Variants in ADAM19 observed in about 807,000 individuals in gnomAD.
ADAM19 encodes ADAM metallopeptidase domain 19.
In ADAM19, 65 loss-of-function variants were observed where a neutral mutation model predicts 114.7. That is an observed-to-expected ratio of 0.57 (90% CI 0.46 to 0.70). The LOEUF (loss-of-function observed/expected upper bound fraction) is 0.70. Among genes scored for constraint, ADAM19 ranks in the 30% least tolerant of loss-of-function variants. The probability of loss-of-function intolerance (pLI) is 0.00; values close to 1 mark genes in which losing one functional copy is unlikely to be tolerated. For missense variants in ADAM19, 1,063 were observed against 1,204.7 expected (o/e 0.88, Z 1.74); for synonymous variants, 466 against 460.5 (o/e 1.01, Z -0.15).
At chr5:157,517,718 G>A (rs1001483640) in intron 7 of ADAM19, among the ~76,000 whole-genome samples, 35 of 152,150 alleles carry the variant, frequency 2.3e-4, no homozygotes, top group Non-Finnish European at 8.8e-5. Context: ...CCAGGTGCTT[G>A]GCACATAATA....
chr5:157,510,966 G>C (rs2113728512), intron 8 of ADAM19, among the ~76,000 whole-genome samples: 1 of 152,244 alleles, frequency 6.6e-6, no homozygotes, highest in African/African-American at 2.4e-5. Context: ...AGACGTTCTT[G>C]GTAATCTTCA....
intron 7 of ADAM19, among the ~76,000 whole-genome samples, chr5:157,517,878 T>C (rs902005195): frequency 2.0e-5 from 3 of 152,234 alleles, no homozygotes; most frequent in African/African-American, 7.2e-5. Context: ...AACTTGACTG[T>C]GCAACCCAAT....
intron 19 of ADAM19, 135 bp downstream of exon 19, chr5:157,490,175 A>G: frequency 1.1e-6 from 1 of 907,074 alleles, no homozygotes; most frequent in Non-Finnish European, 1.7e-6. Context: ...ATAGCAGGGG[A>G]GAGGGCAGCA....
chr5:157,552,620 A>G (rs959082159), intron 3 of ADAM19, among the ~76,000 whole-genome samples: 1 of 143,898 alleles, frequency 6.9e-6, no homozygotes, highest in African/African-American at 2.6e-5. Context: ...TGGAGGTTGC[A>G]GTGAGCCGAG....
rs1396427439 is a variant in ADAM19, at chr5:157,518,805, C to T, written c.666+18G>A. On this transcript the variant is annotated intron_variant, in intron 7 of 22. Transcript: ENST00000257527. ...CAAGAGAGCAGTTTTTCTGCAAGACCCATTGCCTCCCCCTTACCTCTAAAT... is the reference window on the plus strand; with the variant it reads ...CAAGAGAGCAGTTTTTCTGCAAGACTCATTGCCTCCCCCTTACCTCTAAAT... 6.2e-7 allele frequency: 1 copy of T among 1,605,512 alleles called. No homozygotes were observed. The highest frequency in any genetic ancestry group is 1.7e-5 in the Admixed American group (1 of 59,988).
intron 5 of ADAM19, among the ~76,000 whole-genome samples, chr5:157,527,502 A>G (rs896256611): frequency 2.0e-5 from 3 of 152,084 alleles, no homozygotes; most frequent in Admixed American, 6.6e-5. Context: ...AAGCCACCGC[A>G]CCCGGCCAGA....
rs749604440 is a variant in ADAM19 at position 157,481,946 on chromosome 5, G to A, written c.2551-3C>T. ...GGCGGCCGAGGCCTGGAGAAGTCCT[G>A]GAGAGAAAGCAATAAGCCTCACTTG... is the stretch of plus-strand genomic sequence containing the variant. On this transcript the variant is annotated splice_region_variant and splice_polypyrimidine_tract_variant and intron_variant, in intron 21 of 22. Coordinates refer to ENST00000257527, the MANE Select transcript of ADAM19 (RefSeq NM_033274.5). 14 of 1,586,544 alleles carry A rather than the reference G, an allele frequency of 8.8e-6. No individual in the cohort carries two copies. The African/African-American group carries it at 1.8e-4, about 20-fold the overall frequency.
In ADAM19 at chr5:157,479,848, T is replaced by G. The variant is rs1034558833; in HGVS notation, c.*1101A>C. 6.1e-6 allele frequency: 6 copies of G among 985,498 alleles called. No homozygotes were observed. In the Admixed American group the frequency reaches 3.7e-4, roughly 61 times the overall value. 61.0% of individuals were successfully genotyped at this position (985,498 alleles called of 1,614,324 possible). ...CCAGCCTGCTCCCTCGTGTGTACTT[T>G]GTAAATAGCTGGGCTCCCTAAGGGG... On this transcript the variant is annotated 3_prime_UTR_variant, in exon 23 of 23. Coordinates refer to ENST00000257527, the MANE Select transcript of ADAM19 (RefSeq NM_033274.5).
intron 5 of ADAM19, among the ~76,000 whole-genome samples, chr5:157,520,805 CT>C (rs1476443631): frequency 6.6e-6 from 1 of 152,216 alleles, no homozygotes; most frequent in African/African-American, 2.4e-5. Flanking sequence ...TGAGGGACTA[CT>C]TTTTTTCCTC....
At chr5:157,569,192 A>ACTG (rs1239112220) in intron 2 of ADAM19, 4 of 150,244 alleles carry the variant, frequency 2.7e-5, no homozygotes, top group Admixed American at 2.0e-4. Context: ...CCATGCGTTT[A>ACTG]CTGCCTTTAG....
At chr5:157,493,546 C>A (rs565417041) in intron 15 of ADAM19, among the ~76,000 whole-genome samples, 75 of 152,308 alleles carry the variant, frequency 4.9e-4, no homozygotes, top group African/African-American at 1.7e-3. Context: ...TCCCTCACTC[C>A]TGGGCTCAAG....
chr5:157,573,608 TGGTGGC>T, intron 1 of ADAM19, among the ~76,000 whole-genome samples: 1 of 152,102 alleles, frequency 6.6e-6, no homozygotes, highest in East Asian at 1.9e-4. Context: ...TAGCCGGGTG[TGGTGGC>T]ACATGCCAAT....
chr5:157,569,422 T>C (rs1403556504), intron 2 of ADAM19, among the ~76,000 whole-genome samples: 13 of 141,366 alleles, frequency 9.2e-5, no homozygotes, highest in South Asian at 2.4e-4. Flanking sequence ...TTTTCTTTTT[T>C]TTTTTTTTTT....
At chr5:157,556,190 C>T (rs1299368372) in intron 3 of ADAM19, among the ~76,000 whole-genome samples, 1 of 145,282 alleles carries the variant, frequency 6.9e-6, no homozygotes, top group Non-Finnish European at 1.5e-5. Context: ...GTTTTTATAA[C>T]CTGTTTTTTT....
rs376290607 is a variant in ADAM19, at chr5:157,497,084, C to T, written c.1404G>A (p.Leu468=). 6.6e-5 allele frequency: 100 copies of T among 1,518,070 alleles called. No homozygotes were observed. The highest frequency in any genetic ancestry group is 8.6e-5 in the Non-Finnish European group (98 of 1,139,816). 94.0% of individuals were successfully genotyped at this position (1,518,070 alleles called of 1,614,324 possible). ...GCTCGCGGCACAGGGTCCCAGGAGCCAACAGCTGAGCCAAGGAATGAGAGG... is the reference window on the plus strand; with the variant it reads ...GCTCGCGGCACAGGGTCCCAGGAGCTAACAGCTGAGCCAAGGAATGAGAGG... ...HGSCCHQCKL[L]APGTLCREQA... is the part of the protein sequence containing the mutation. The change falls in exon 14 of 23, where the codon TTG becomes TTA. Residue 468 remains leucine (L), a synonymous_variant. Coordinates refer to ENST00000257527, the MANE Select transcript of ADAM19 (RefSeq NM_033274.5).
At position 157,480,066 on chromosome 5, in the gene ADAM19, A is replaced by T. The variant is rs1754697880; in HGVS notation, c.*883T>A. The T allele has an allele frequency of 1.0e-6, 1 of 985,810 alleles. No homozygotes were observed. Among genetic ancestry groups the T allele is most frequent in the African/African-American group, 1.7e-5 (1 of 57,206 alleles). 61.1% of individuals were successfully genotyped at this position (985,810 alleles called of 1,614,324 possible). On this transcript the variant is annotated 3_prime_UTR_variant, in exon 23 of 23. Transcript: ENST00000257527. ...GGACTCTGACTTGTAGGTCACAAGC[A>T]CCTGGTCACCCGAAGGTCAGGACTG...
Position 157,488,293 on chromosome 5 carries a change from G to A in ADAM19, c.2522C>T (p.Pro841Leu), listed in dbSNP as rs1159665258. The stretch of plus-strand genomic sequence containing the variant: ...GGAAACGATGCAATTTGGTGCGGGG[G>A]GAATTGGCCGGCTTGGAGGAGGCCT... ...SRRPPPSRPIPPAPNCIVSQD... is the reference protein window; with the variant it reads ...SRRPPPSRPILPAPNCIVSQD... The change falls in exon 21 of 23, where the codon CCC becomes CTC. Residue 841 changes from proline to leucine, a missense_variant. By Grantham distance (98) the Pro-to-Leu change is moderately conservative. Around this residue, in one of 3 missense-constraint regions of ADAM19, gnomAD observed 424 missense variants for 445.5 expected, o/e 0.95. Transcript: ENST00000257527. The A allele has an allele frequency of 3.1e-6, 5 of 1,613,884 alleles. No individual in the cohort carries two copies. Among genetic ancestry groups the A allele is most frequent in the Non-Finnish European group, 3.4e-6 (4 of 1,179,886 alleles).
At chr5:157,564,539 C>A (rs1757599946) in intron 2 of ADAM19, 96 bp from the exon 3 acceptor site, 2 of 1,036,866 alleles carry the variant, frequency 1.9e-6, no homozygotes, top group Non-Finnish European at 3.0e-6. Flanking sequence ...AACATTGATC[C>A]ACAGGAAGTG....
At chr5:157,489,289 C>A in intron 19 of ADAM19, 103 bp from the exon 20 acceptor site, 1 of 814,604 alleles carries the variant, frequency 1.2e-6, no homozygotes, top group Non-Finnish European at 2.1e-6. Context: ...GCAGCTAAAT[C>A]TTTCCCAAGT....
Sources: gnomAD v4.1 joint callset for allele counts (sites outside exome capture counted in the v4.1 genomes callset) on GRCh38, gnomAD v4.1.1 for gene constraint, gnomAD v4.1.1 regional missense constraint, MANE v1.5 for transcripts, NCBI Gene and HGNC (gene_info 2026-07-23, HGNC 2026-07-21) for gene names.